RGS21: variants seen among roughly 807,000 people sequenced by gnomAD.
RGS21 encodes the protein regulator of G protein signaling 21, also known as regulator of G-protein signalling 21.
A neutral mutation model predicts 18.7 loss-of-function variants in RGS21; 19 were observed. That is an observed-to-expected ratio of 1.01 (90% confidence interval 0.71 to 1.49). RGS21 has a LOEUF of 1.49. Among genes scored for constraint, RGS21 ranks in the 40% most tolerant of loss-of-function variants. The probability of loss-of-function intolerance (pLI) is 0.00; values close to 1 mark genes in which losing one functional copy is unlikely to be tolerated. For synonymous variants in RGS21, 56 were observed against 57.8 expected (o/e 0.97, Z 0.14); for missense variants, 194 against 176.8 (o/e 1.10, Z -0.55).
At chr1:192,345,708 TTAGCATATGTTCCACAGGTCTAAG>T (rs754599886) in intron 2 of RGS21, among the ~76,000 whole-genome samples, 18 of 152,134 alleles carry the variant, frequency 1.2e-4, no homozygotes, top group Non-Finnish European at 2.2e-4. Flanking sequence ...ATCCTATTCA[TTAGCATATGTTCCACAGGTCTAAG>T]TAGCTTTAAT....
At chr1:192,326,466 C>T (rs1658569905) in intron 1 of RGS21, among the ~76,000 whole-genome samples, 1 of 151,952 alleles carries the variant, frequency 6.6e-6, no homozygotes, top group South Asian at 2.1e-4. Context: ...TTATTTTTAA[C>T]AACTTGGAAT....
chr1:192,329,200 A>G (rs1658611266), intron 1 of RGS21, among the ~76,000 whole-genome samples: 1 of 152,126 alleles, frequency 6.6e-6, no homozygotes, highest in African/African-American at 2.4e-5. Context: ...ATAACACCTC[A>G]GTGAATTCAG....
intron 3 of RGS21, among the ~76,000 whole-genome samples, chr1:192,349,003 T>C (rs1557979612): frequency 6.6e-6 from 1 of 152,150 alleles, no homozygotes; most frequent in African/African-American, 2.4e-5. Context: ...CCACGTAACT[T>C]CCAGAATCCA....
At chr1:192,352,964 T>C (rs1557980623) in intron 4 of RGS21, among the ~76,000 whole-genome samples, 2 of 152,066 alleles carry the variant, frequency 1.3e-5, no homozygotes. Context: ...TTGCTGAATA[T>C]ATTACATAAA....
chr1:192,336,521 C>G (rs1658770647), intron 1 of RGS21, among the ~76,000 whole-genome samples: 1 of 151,976 alleles, frequency 6.6e-6, no homozygotes, highest in African/African-American at 2.4e-5. Context: ...CAATGCAAGA[C>G]CTGGTTACTG....
intron 1 of RGS21, among the ~76,000 whole-genome samples, chr1:192,322,051 G>A (rs527811644): frequency 6.6e-6 from 1 of 152,150 alleles, no homozygotes; most frequent in Admixed American, 6.6e-5. Flanking sequence ...ATTACAAGTG[G>A]AACGGCTAAT....
chr1:192,328,130 G>A (rs190247072), intron 1 of RGS21, among the ~76,000 whole-genome samples: 10 of 152,242 alleles, frequency 6.6e-5, no homozygotes, highest in East Asian at 1.9e-4. Context: ...ACAGGGCCGC[G>A]TGCATCTCTG....
chr1:192,347,694 CT>C (rs1157139375), intron 3 of RGS21, among the ~76,000 whole-genome samples: 2 of 152,114 alleles, frequency 1.3e-5, no homozygotes, highest in Non-Finnish European at 2.9e-5. Context: ...CTCACTCTCT[CT>C]CTCTATCAGG....
At chr1:192,357,530 G>A (rs1009954899) in intron 4 of RGS21, among the ~76,000 whole-genome samples, 2 of 151,816 alleles carry the variant, frequency 1.3e-5, no homozygotes, top group African/African-American at 4.8e-5. Flanking sequence ...CACTCTCTTA[G>A]GGAAGTATTA....
At chr1:192,341,558 C>A (rs1658862020) in intron 1 of RGS21, among the ~76,000 whole-genome samples, 1 of 152,072 alleles carries the variant, frequency 6.6e-6, no homozygotes, top group Middle Eastern at 3.4e-3. Context: ...AAATAAAATC[C>A]AATTATTAGT....
intron 1 of RGS21, 67 bp from the exon 2 acceptor site, chr1:192,342,910 A>G: frequency 1.1e-6 from 1 of 899,924 alleles, no homozygotes; most frequent in East Asian, 2.5e-5. Flanking sequence ...AAGAATGCCA[A>G]TTTGTAACCC....
At chr1:192,333,386 T>C (rs1270286217) in intron 1 of RGS21, among the ~76,000 whole-genome samples, 2 of 151,734 alleles carry the variant, frequency 1.3e-5, no homozygotes, top group South Asian at 2.1e-4. Context: ...CCTACACTAT[T>C]CATAGCAGCT....
chr1:192,345,065 T>A (rs1658927330), intron 2 of RGS21, among the ~76,000 whole-genome samples: 1 of 152,254 alleles, frequency 6.6e-6, no homozygotes, highest in African/African-American at 2.4e-5. Context: ...TTTCTTTCTC[T>A]TACTGTTTCT....
At chr1:192,327,896 C>T (rs942795230) in intron 1 of RGS21, among the ~76,000 whole-genome samples, 3 of 152,048 alleles carry the variant, frequency 2.0e-5, no homozygotes, top group South Asian at 2.1e-4. Context: ...AATGATGACA[C>T]GAGAAATGAA....
chr1:192,360,617 G>A (rs1446383091), intron 4 of RGS21, among the ~76,000 whole-genome samples: 1 of 151,918 alleles, frequency 6.6e-6, no homozygotes, highest in Non-Finnish European at 1.5e-5. Flanking sequence ...TCAAACATGT[G>A]GTTACATTAG....
At chr1:192,359,862 A>T (rs968744647) in intron 4 of RGS21, among the ~76,000 whole-genome samples, 1 of 151,204 alleles carries the variant, frequency 6.6e-6, no homozygotes, top group African/African-American at 2.4e-5. Context: ...ATTTCAAGGG[A>T]GTTGAAAAGG....
intron 1 of RGS21, among the ~76,000 whole-genome samples, chr1:192,328,528 T>A (rs1658601365): frequency 6.6e-6 from 1 of 152,214 alleles, no homozygotes; most frequent in Admixed American, 6.5e-5. Flanking sequence ...GCCATTATAT[T>A]ACTTTCTTTA....
chr1:192,318,388 A>G (rs1171215161), intron 1 of RGS21, among the ~76,000 whole-genome samples: 1 of 152,100 alleles, frequency 6.6e-6, no homozygotes, highest in Non-Finnish European at 1.5e-5. Context: ...ACATCACAGG[A>G]TCTCACCCCA....
At chr1:192,321,253 C>T (rs1447164829) in intron 1 of RGS21, among the ~76,000 whole-genome samples, 2 of 151,794 alleles carry the variant, frequency 1.3e-5, no homozygotes, top group African/African-American at 4.8e-5. Context: ...AATAATACAC[C>T]TTGATTTTCG....
Sources: gnomAD v4.1 joint callset for allele counts (sites outside exome capture counted in the v4.1 genomes callset) on GRCh38, gnomAD v4.1.1 for gene constraint, MANE v1.5 for transcripts, NCBI Gene and HGNC (gene_info 2026-07-23, HGNC 2026-07-21) for gene names.